PTPRK: variants seen among roughly 807,000 people sequenced by gnomAD.
PTPRK encodes protein tyrosine phosphatase receptor type K.
Under a neutral mutation model 178.0 loss-of-function variants are expected in PTPRK, and 75 were observed. The observed-to-expected ratio is 0.42, with a 90% CI of 0.35 to 0.51. The LOEUF is 0.51. PTPRK is among the 20% of genes least tolerant of loss of function. The pLI is 0.02. For missense variants in PTPRK, 1,441 were observed against 1,797.8 expected (o/e 0.80, Z 3.59); for synonymous variants, 637 against 620.6 (o/e 1.03, Z -0.39).
At position 128,340,892 on chromosome 6, in the gene PTPRK, G is replaced by A. The variant is rs376292148; in HGVS notation, c.224-18582C>T. 2.6e-5 allele frequency: 9 copies of A among 348,350 alleles called. No homozygotes were observed. The East Asian group carries it at 2.6e-4, about 10-fold the overall frequency. 21.6% of individuals were successfully genotyped at this position (348,350 alleles called of 1,614,324 possible). On this transcript the variant is annotated intron_variant, in intron 2 of 29. Coordinates refer to ENST00000368226, the MANE Select transcript of PTPRK (RefSeq NM_002844.4). ...TATTAACTTTTAGCCACTGATCCAC[G>A]CTTTTGATAGACTAATAGATTTAAT...
chr6:128,194,207 T>A (rs1370545193), intron 6 of PTPRK, among the ~76,000 whole-genome samples: 1 of 151,424 alleles, frequency 6.6e-6, no homozygotes, highest in Non-Finnish European at 1.5e-5. Context: ...TGCCTCAGCC[T>A]CCCGAGTAGC....
chr6:128,168,732 A>C (rs1799779517), intron 7 of PTPRK, among the ~76,000 whole-genome samples: 1 of 152,100 alleles, frequency 6.6e-6, no homozygotes, highest in African/African-American at 2.4e-5. Context: ...CCACCTCCTC[A>C]GTCCATGGAA....
intron 13 of PTPRK, among the ~76,000 whole-genome samples, chr6:128,053,189 TAC>T (rs1011636223): frequency 2.0e-5 from 3 of 148,496 alleles, no homozygotes; most frequent in Non-Finnish European, 3.0e-5. Flanking sequence ...CACACCCCTA[TAC>T]ACACAGTTTC....
chr6:127,975,915 C>T (rs970549283), intron 27 of PTPRK, among the ~76,000 whole-genome samples: 1 of 152,130 alleles, frequency 6.6e-6, no homozygotes, highest in South Asian at 2.1e-4. Context: ...TATGATCTGC[C>T]CGCCTTGGCC....
At chr6:128,363,837 T>G (rs1180083803) in intron 2 of PTPRK, among the ~76,000 whole-genome samples, 2 of 152,180 alleles carry the variant, frequency 1.3e-5, no homozygotes, top group African/African-American at 4.8e-5. Flanking sequence ...TGTCTTTACT[T>G]CCAGGCCCAG....
At chr6:128,433,438 G>T (rs1845099815) in intron 1 of PTPRK, among the ~76,000 whole-genome samples, 1 of 151,928 alleles carries the variant, frequency 6.6e-6, no homozygotes, top group Admixed American at 6.6e-5. Context: ...CATCCCTGCT[G>T]TTGCAAATGA....
chr6:128,247,460 T>C (rs1045448461), intron 3 of PTPRK, among the ~76,000 whole-genome samples: 4 of 152,048 alleles, frequency 2.6e-5, no homozygotes, highest in South Asian at 2.1e-4. Flanking sequence ...GTTGGAATTA[T>C]AGGCACATGC....
intron 7 of PTPRK, among the ~76,000 whole-genome samples, chr6:128,134,995 G>C (rs550399909): frequency 8.0e-4 from 121 of 151,656 alleles, no homozygotes; most frequent in Admixed American, 1.3e-3. Context: ...ATCCACTATT[G>C]CAAGAATTTC....
At chr6:128,313,535 G>C (rs531470706) in intron 3 of PTPRK, among the ~76,000 whole-genome samples, 7 of 152,130 alleles carry the variant, frequency 4.6e-5, no homozygotes, top group Non-Finnish European at 1.0e-4. Flanking sequence ...AGGACAAACA[G>C]AACTTGGACA....
At chr6:128,097,244 A>G (rs903965859) in intron 7 of PTPRK, among the ~76,000 whole-genome samples, 1 of 152,082 alleles carries the variant, frequency 6.6e-6, no homozygotes. Flanking sequence ...CGAGGGATAT[A>G]AAGTGACAGA....
At chr6:128,443,531 G>T (rs1846555316) in intron 1 of PTPRK, among the ~76,000 whole-genome samples, 1 of 152,208 alleles carries the variant, frequency 6.6e-6, no homozygotes, top group South Asian at 2.1e-4. Flanking sequence ...AGATTAGGGA[G>T]CAAGTATAGT....
At chr6:128,426,409 A>G (rs554464881) in intron 1 of PTPRK, among the ~76,000 whole-genome samples, 1 of 152,274 alleles carries the variant, frequency 6.6e-6, no homozygotes, top group South Asian at 2.1e-4. Context: ...CTATTTTTAC[A>G]GTATTTTATT....
chr6:128,111,930 T>A (rs1408582909), intron 7 of PTPRK, among the ~76,000 whole-genome samples: 1 of 152,080 alleles, frequency 6.6e-6, no homozygotes, highest in Non-Finnish European at 1.5e-5. Flanking sequence ...ATAACAGGTG[T>A]ATCTGTGAAT....
chr6:128,054,804 A>T (rs938557198), intron 13 of PTPRK, among the ~76,000 whole-genome samples: 5 of 152,218 alleles, frequency 3.3e-5, no homozygotes, highest in African/African-American at 1.2e-4. Context: ...TTGACCATGG[A>T]GAACACTTAG....
intron 27 of PTPRK, 38 bp from the exon 28 acceptor site, chr6:127,973,865 C>T: frequency 6.3e-7 from 1 of 1,579,170 alleles, no homozygotes. Flanking sequence ...TACGCTGGGA[C>T]TACAATTTTT....
At chr6:127,987,367 C>T (rs943999782) in intron 21 of PTPRK, among the ~76,000 whole-genome samples, 3 of 152,052 alleles carry the variant, frequency 2.0e-5, no homozygotes, top group Admixed American at 1.3e-4. Context: ...GAACATGGTG[C>T]ATGTCTCCAC....
intron 13 of PTPRK, among the ~76,000 whole-genome samples, chr6:128,048,573 T>C (rs1778471319): frequency 6.6e-6 from 1 of 152,188 alleles, no homozygotes; most frequent in South Asian, 2.1e-4. Flanking sequence ...CTTCCAGTAT[T>C]TCCTATCCCC....
chr6:128,149,313 A>C (rs1323628538), intron 7 of PTPRK, among the ~76,000 whole-genome samples: 1 of 152,068 alleles, frequency 6.6e-6, no homozygotes, highest in African/African-American at 2.4e-5. Flanking sequence ...AATAATAATA[A>C]TAAAGAAAAT....
chr6:128,283,445 T>C (rs186328103), intron 3 of PTPRK, among the ~76,000 whole-genome samples: 1 of 152,226 alleles, frequency 6.6e-6, no homozygotes, highest in African/African-American at 2.4e-5. Context: ...TAATTCTTCC[T>C]TCTCATATCT....
Sources: gnomAD v4.1 joint callset for allele counts (sites outside exome capture counted in the v4.1 genomes callset) on GRCh38, gnomAD v4.1.1 for gene constraint, MANE v1.5 for transcripts, NCBI Gene and HGNC (gene_info 2026-07-23, HGNC 2026-07-21) for gene names.